CBX5: variants seen among roughly 807,000 people sequenced by gnomAD.
The protein encoded by CBX5 is chromobox 5, also known as chromobox protein homolog 5.
A neutral mutation model predicts 20.7 loss-of-function variants in CBX5; 7 were observed. The ratio of observed to expected loss-of-function variants is 0.34; its 90% CI spans 0.19 to 0.63. The LOEUF is 0.63. Among genes scored for constraint, CBX5 ranks in the 30% least tolerant of loss-of-function variants. The pLI is 0.75. For synonymous variants in CBX5, 78 were observed against 77.0 expected, an observed-to-expected ratio of 1.01 and a Z score of -0.07; for missense variants, 110 against 224.1, an observed-to-expected ratio of 0.49 and a Z score of 3.25.
chr12:54,278,779 C>T (rs1426554628), intron 1 of CBX5: 1 of 152,142 alleles, frequency 6.6e-6, no homozygotes, highest in African/African-American at 2.4e-5. Flanking sequence ...TCCCCAGAAC[C>T]CTAAATATTA....
chr12:54,272,490 C>G (rs1425283352), intron 1 of CBX5: 1 of 152,098 alleles, frequency 6.6e-6, no homozygotes, highest in Non-Finnish European at 1.5e-5. Flanking sequence ...ACTACTACTA[C>G]TGGAAAGAAA....
intron 4 of CBX5, among the ~76,000 whole-genome samples, chr12:54,245,307 G>C (rs77067321): frequency 0.013 from 2,033 of 151,932 alleles, 45 homozygotes; most frequent in African/African-American, 0.047. Context: ...CACTGCATCC[G>C]ACCTTTATAT....
At chr12:54,245,745 G>A (rs549197156) in intron 4 of CBX5, among the ~76,000 whole-genome samples, 40 of 151,996 alleles carry the variant, frequency 2.6e-4, no homozygotes, top group Admixed American at 2.1e-3. Flanking sequence ...AGCCGAGATC[G>A]CACCATTGCA....
rs1565864322 is a variant in CBX5, at chr12:54,236,153, C to T, written c.*5602G>A. 2.0e-5 allele frequency: 3 copies of T among 152,336 alleles called. No homozygotes were observed. The highest frequency in any genetic ancestry group is 1.9e-4 in the East Asian group (1 of 5,194). 9.4% of individuals were successfully genotyped at this position (152,336 alleles called of 1,614,324 possible). A position where few individuals can be genotyped will look rare whatever the true frequency, so the allele number is the denominator to read the frequency against. On this transcript the variant is annotated 3_prime_UTR_variant, in exon 5 of 5. Transcript: ENST00000209875. ...ATGTCAACTTCTTACTCCAGGGCTACAAACTATACAACATCAGCCAGTCTG... is the reference window on the plus strand; with the variant it reads ...ATGTCAACTTCTTACTCCAGGGCTATAAACTATACAACATCAGCCAGTCTG...
intron 1 of CBX5, among the ~76,000 whole-genome samples, chr12:54,264,920 T>A (rs1442226730): frequency 1.3e-5 from 2 of 151,958 alleles, no homozygotes; most frequent in African/African-American, 2.4e-5. Flanking sequence ...AAGATGGTAA[T>A]CAAACCAAAT....
At chr12:54,260,989 G>A (rs1264078678) in intron 1 of CBX5, among the ~76,000 whole-genome samples, 1 of 151,886 alleles carries the variant, frequency 6.6e-6, no homozygotes, top group South Asian at 2.1e-4. Flanking sequence ...TCAGGAGTTC[G>A]AGACCAGCCT....
In CBX5 at chr12:54,257,420, G is replaced by A; in HGVS notation, c.137+94C>T. On this transcript the variant is annotated intron_variant, in intron 2 of 4. Coordinates refer to ENST00000209875, the MANE Select transcript of CBX5 (RefSeq NM_012117.3). ...CTTAGGAAGAGTGCAGGAGGGGGAAGAAAAAGACAAAAATGCTTGTGATTC... is the reference window on the plus strand; with the variant it reads ...CTTAGGAAGAGTGCAGGAGGGGGAAAAAAAAGACAAAAATGCTTGTGATTC... 14 of 1,378,994 alleles carry A rather than the reference G, an allele frequency of 1.0e-5. No homozygotes were observed. The South Asian group carries it at 1.7e-4, about 17-fold the overall frequency. The allele number at this position is 1,378,994 out of a possible 1,614,324, so 85.4% of individuals were successfully genotyped here.
chr12:54,251,647 T>C (rs564253147), intron 3 of CBX5, among the ~76,000 whole-genome samples: 1 of 152,076 alleles, frequency 6.6e-6, no homozygotes, highest in Admixed American at 6.6e-5. Context: ...ATCCAGCCAC[T>C]GCACTCCAGC....
At chr12:54,270,783 G>C (rs1360918776) in intron 1 of CBX5, among the ~76,000 whole-genome samples, 1 of 152,150 alleles carries the variant, frequency 6.6e-6, no homozygotes, top group East Asian at 1.9e-4. Context: ...CAAGCACAGT[G>C]GCTCATGCCT....
chr12:54,245,199 T>C (rs1036463850), intron 4 of CBX5, among the ~76,000 whole-genome samples: 19 of 151,770 alleles, frequency 1.3e-4, no homozygotes, highest in African/African-American at 2.2e-4. Flanking sequence ...TTAGTAGAGA[T>C]AGGAGTTCAC....
intron 1 of CBX5, among the ~76,000 whole-genome samples, chr12:54,268,545 T>A (rs999702421): frequency 1.3e-5 from 2 of 152,180 alleles, no homozygotes; most frequent in African/African-American, 4.8e-5. Context: ...CCAATTCAAA[T>A]CCTATGCCAA....
intron 1 of CBX5, among the ~76,000 whole-genome samples, chr12:54,270,879 C>G (rs1013017099): frequency 6.6e-5 from 10 of 152,154 alleles, no homozygotes; most frequent in Non-Finnish European, 1.5e-4. Flanking sequence ...TAACGAGACC[C>G]TGTCTCTACA....
At chr12:54,261,297 T>G (rs549703181) in intron 1 of CBX5, among the ~76,000 whole-genome samples, 4 of 151,776 alleles carry the variant, frequency 2.6e-5, no homozygotes, top group African/African-American at 9.7e-5. Context: ...AATTTTTTTC[T>G]TTTTTCTTTT....
At chr12:54,271,722 T>C (rs1378472188) in intron 1 of CBX5, 1 of 152,252 alleles carries the variant, frequency 6.6e-6, no homozygotes, top group Non-Finnish European at 1.5e-5. Context: ...ATTTATTCAT[T>C]TATTATATAA....
intron 1 of CBX5, among the ~76,000 whole-genome samples, chr12:54,261,700 T>C (rs1943917064): frequency 6.6e-6 from 1 of 152,192 alleles, no homozygotes; most frequent in Admixed American, 6.5e-5. Flanking sequence ...CTTTTCATAA[T>C]TAAGGGATAT....
chr12:54,269,174 C>T (rs201426389), intron 1 of CBX5, among the ~76,000 whole-genome samples: 1 of 151,900 alleles, frequency 6.6e-6, no homozygotes, highest in Non-Finnish European at 1.5e-5. Context: ...GCAGGAGAAT[C>T]GCTTGAACCC....
intron 2 of CBX5, chr12:54,255,872 T>TA (rs1405881501): frequency 6.6e-6 from 1 of 152,558 alleles, no homozygotes; most frequent in Non-Finnish European, 1.5e-5. Context: ...TCAACCTCCC[T>TA]AGTAGCTGGG....
At chr12:54,250,795 G>A (rs923362380) in intron 3 of CBX5, among the ~76,000 whole-genome samples, 3 of 92,702 alleles carry the variant, frequency 3.2e-5, no homozygotes, top group Admixed American at 1.7e-4. Context: ...CTGTGCGACA[G>A]AGCGAGACTC....
intron 1 of CBX5, chr12:54,274,096 A>G (rs1944036747): frequency 6.6e-6 from 1 of 152,362 alleles, no homozygotes; most frequent in Admixed American, 6.5e-5. Flanking sequence ...GCTAACAAGA[A>G]CAGTGTAGGT....
Sources: allele counts gnomAD v4.1 joint callset (sites outside exome capture counted in the v4.1 genomes callset), GRCh38; gene constraint gnomAD v4.1.1; transcripts MANE v1.5; gene names NCBI Gene and HGNC (gene_info 2026-07-23, HGNC 2026-07-21).